Variants in ATRX observed in about 807,000 individuals in gnomAD.
The protein encoded by ATRX is ATRX chromatin remodeler.
ATRX carries 12 observed loss-of-function variants against 172.6 expected under a neutral mutation model. That is an observed-to-expected ratio of 0.07 (90% CI 0.04 to 0.11). The LOEUF is 0.11. ATRX is among the 10% of genes least tolerant of loss of function. ATRX has a pLI of 1.00. For synonymous variants in ATRX, 674 were observed against 594.7 expected (o/e 1.13, Z -1.94); for missense variants, 1,368 against 1,767.4 (o/e 0.77, Z 4.05).
At chrX:77,768,229 C>A (rs1185167859) in intron 1 of ATRX, among the ~76,000 whole-genome samples, 2 of 111,926 alleles carry the variant, frequency 1.8e-5, no homozygotes, top group African/African-American at 3.2e-5. Flanking sequence ...TATGTCATAA[C>A]AAATCTACTT....
At chrX:77,737,858 G>T (rs1270359985) in intron 1 of ATRX, among the ~76,000 whole-genome samples, 2 of 111,062 alleles carry the variant, frequency 1.8e-5, no homozygotes, top group Non-Finnish European at 3.8e-5. Context: ...GCATCTCTTA[G>T]GGTAAATGCT....
intron 27 of ATRX, among the ~76,000 whole-genome samples, chrX:77,587,505 T>C (rs2066070948): frequency 8.9e-6 from 1 of 112,078 alleles, no homozygotes; most frequent in Non-Finnish European, 1.9e-5. Flanking sequence ...ACTAACATCA[T>C]ACAAAATGTT....
At position 77,678,173 on chromosome X, in the gene ATRX, G is replaced by A. The variant is rs782620030; in HGVS notation, c.3737-1875C>T. 1.4e-4 allele frequency among the ~76,000 whole-genome samples: 15 copies of A among 107,072 alleles called. No homozygotes were observed. The South Asian group carries it at 6.4e-3, about 46-fold the overall frequency. 93.0% of individuals were successfully genotyped at this position (107,072 alleles called of 115,157 possible). On this transcript the variant is annotated intron_variant, in intron 9 of 34. Coordinates refer to ENST00000373344, the MANE Select transcript of ATRX (RefSeq NM_000489.6). Reference sequence around the variant, plus strand: ...GTGAGCAGGGATTGCAGTGAGCCGAGATTGCACCACTGCACTCCAGCCTGG... The same window carrying A: ...GTGAGCAGGGATTGCAGTGAGCCGAAATTGCACCACTGCACTCCAGCCTGG...
intron 14 of ATRX, among the ~76,000 whole-genome samples, chrX:77,653,021 A>C (rs74671414): frequency 9.2e-6 from 1 of 108,113 alleles, no homozygotes; most frequent in African/African-American, 3.3e-5. Context: ...AAAAAAAAAA[A>C]GAAAAAAAGA....
At chrX:77,531,616 T>C (rs781799392) in intron 30 of ATRX, among the ~76,000 whole-genome samples, 5 of 112,042 alleles carry the variant, frequency 4.5e-5, no homozygotes, top group Admixed American at 9.5e-5. Flanking sequence ...AAACTAGGCA[T>C]TGAAGGAACA....
chrX:77,726,067 A>G lies in ATRX; in HGVS notation c.21-8824T>C, dbSNP rs1320479686. Among the ~76,000 whole-genome samples the G allele has an allele frequency of 1.3e-4, 14 of 111,327 alleles. 1 individual carries two copies. The highest frequency in any genetic ancestry group is 9.6e-4 in the Admixed American group (10 of 10,456). On this transcript the variant is annotated intron_variant, in intron 1 of 34. Transcript: ENST00000373344. Reference sequence around the variant, plus strand: ...AACCATTGTGGAAGACAGTGTGGTGACTCCTCAAGGATCTAGAACTAGAAA... The same window carrying G: ...AACCATTGTGGAAGACAGTGTGGTGGCTCCTCAAGGATCTAGAACTAGAAA...
At chrX:77,576,542 A>C (rs1340879052) in intron 27 of ATRX, among the ~76,000 whole-genome samples, 1 of 111,461 alleles carries the variant, frequency 9.0e-6, no homozygotes, top group Non-Finnish European at 1.9e-5. Context: ...CTCTGTATAA[A>C]AAAACTAGGG....
At chrX:77,516,089 G>T (rs1285717171) in intron 34 of ATRX, among the ~76,000 whole-genome samples, 4 of 111,687 alleles carry the variant, frequency 3.6e-5, no homozygotes, top group Admixed American at 9.5e-5. Context: ...TGGAGGCTGA[G>T]AGGAGGGAGA....
At chrX:77,674,719 A>G (rs1172932136) in intron 10 of ATRX, 2 of 111,320 alleles carry the variant, frequency 1.8e-5, no homozygotes, top group Non-Finnish European at 3.8e-5. Flanking sequence ...CTGAGGCCTC[A>G]TGATGTATAG....
chrX:77,658,169 C>T (rs1557120751), intron 12 of ATRX, among the ~76,000 whole-genome samples: 1 of 111,504 alleles, frequency 9.0e-6, no homozygotes, highest in African/African-American at 3.3e-5. Flanking sequence ...CATGATCGCA[C>T]CACTGTACTC....
intron 23 of ATRX, among the ~76,000 whole-genome samples, 184 bp downstream of exon 23, chrX:77,600,250 G>T (rs987095239): frequency 3.6e-5 from 4 of 111,198 alleles, no homozygotes; most frequent in Non-Finnish European, 5.7e-5. Flanking sequence ...TTTAAAATGG[G>T]CTCAATAAAA....
At chrX:77,671,320 A>T (rs112957447) in intron 10 of ATRX, among the ~76,000 whole-genome samples, 183 of 104,510 alleles carry the variant, frequency 1.8e-3, no homozygotes, top group Non-Finnish European at 3.2e-3. Context: ...AAATCCTACA[A>T]TGTGGGTAGT....
intron 2 of ATRX, among the ~76,000 whole-genome samples, chrX:77,706,387 A>G (rs1368626319): frequency 1.8e-5 from 2 of 110,973 alleles, no homozygotes; most frequent in African/African-American, 6.6e-5. Flanking sequence ...ACAAAAAATG[A>G]AGCTGGACCC....
At chrX:77,665,038 G>A (rs1012902054) in intron 10 of ATRX, among the ~76,000 whole-genome samples, 1 of 111,877 alleles carries the variant, frequency 8.9e-6, no homozygotes, top group African/African-American at 3.2e-5. Context: ...ATATTCTATT[G>A]ACTATTTTTA....
At chrX:77,769,480 G>C (rs183293406) in intron 1 of ATRX, among the ~76,000 whole-genome samples, 8 of 110,169 alleles carry the variant, frequency 7.3e-5, no homozygotes, top group African/African-American at 2.6e-4. Context: ...GTAGAGACAG[G>C]GTTTCACCAT....
chrX:77,525,059 T>C (rs782374860), intron 30 of ATRX, among the ~76,000 whole-genome samples: 9 of 112,076 alleles, frequency 8.0e-5, no homozygotes, highest in African/African-American at 2.9e-4. Flanking sequence ...GTGTGTGCTA[T>C]TTCCTTTGTT....
At chrX:77,781,803 A>G (rs1445787596) in intron 1 of ATRX, among the ~76,000 whole-genome samples, 1 of 111,860 alleles carries the variant, frequency 8.9e-6, no homozygotes, top group Non-Finnish European at 1.9e-5. Context: ...GATATCCAAA[A>G]GAACATTCAC....
intron 10 of ATRX, 21 bp downstream of exon 10, chrX:77,676,205 T>A: frequency 8.4e-7 from 1 of 1,192,001 alleles, no homozygotes; most frequent in African/African-American, 1.7e-5. Context: ...CTTTTTAAAG[T>A]CCTTACAGAT....
intron 1 of ATRX, among the ~76,000 whole-genome samples, chrX:77,765,653 G>A (rs2075880425): frequency 9.1e-6 from 1 of 110,240 alleles, no homozygotes; most frequent in Admixed American, 9.7e-5. Context: ...GCAACCTCAG[G>A]AGAGCTCAAT....
Sources: gnomAD v4.1 joint callset for allele counts (sites outside exome capture counted in the v4.1 genomes callset) on GRCh38, gnomAD v4.1.1 for gene constraint, MANE v1.5 for transcripts, NCBI Gene and HGNC (gene_info 2026-07-23, HGNC 2026-07-21) for gene names.